The following ZMAT4 variants were observed in gnomAD, a reference collection of about 807,000 sequenced individuals.
ZMAT4 encodes zinc finger matrin-type protein 4.
In ZMAT4, 17 loss-of-function variants were observed where a neutral mutation model predicts 28.7. The observed-to-expected ratio is 0.59, with a 90% CI of 0.41 to 0.89. ZMAT4 has a LOEUF of 0.89. Among genes scored for constraint, ZMAT4 ranks in the 40% least tolerant of loss-of-function variants. The pLI is 0.00. For missense variants in ZMAT4, 240 were observed against 283.8 expected (o/e 0.85, Z 1.11); for synonymous variants, 117 against 109.2 (o/e 1.07, Z -0.44).
intron 3 of ZMAT4, among the ~76,000 whole-genome samples, chr8:40,709,354 A>T (rs1355396425): frequency 6.6e-6 from 1 of 152,216 alleles, no homozygotes; most frequent in Non-Finnish European, 1.5e-5. Flanking sequence ...GTATTGAAAG[A>T]GCCTCATGTA....
In ZMAT4 at chr8:40,720,645, A is replaced by T. The variant is rs150122479; in HGVS notation, c.193-23244T>A. ...TGGATTCAAGCAATTCTCCTGCCTC[A>T]GCCTCCCAAGTAGCTAAGATTACAG... On this transcript the variant is annotated intron_variant, in intron 3 of 6. Transcript: ENST00000297737. Among the ~76,000 whole-genome samples the T allele has an allele frequency of 4.2e-3, 631 of 149,470 alleles. 3 individuals carry two copies. The highest frequency in any genetic ancestry group is 6.0e-3 in the Non-Finnish European group (409 of 67,810).
intron 3 of ZMAT4, among the ~76,000 whole-genome samples, chr8:40,707,224 C>A (rs1810398112): frequency 7.5e-6 from 1 of 133,452 alleles, no homozygotes; most frequent in Non-Finnish European, 1.6e-5. Flanking sequence ...GCCCCCCCAC[C>A]CCCCCACCCC....
At chr8:40,891,540 C>T (rs1028620769) in intron 1 of ZMAT4, among the ~76,000 whole-genome samples, 9 of 152,100 alleles carry the variant, frequency 5.9e-5, no homozygotes, top group Non-Finnish European at 1.3e-4. Flanking sequence ...CCACCAGCCC[C>T]TGGCGTTCCC....
Position 40,532,201 on chromosome 8 carries a change from T to C in ZMAT4, c.*22A>G. ...CAGAGAAATGCTAATGTTTTGTTCT[T>C]ATGTCTTGATTGATGCTTTCACTAC... is the stretch of plus-strand genomic sequence containing the variant. On this transcript the variant is annotated 3_prime_UTR_variant, in exon 7 of 7. Coordinates refer to ENST00000297737, the MANE Select transcript of ZMAT4 (RefSeq NM_024645.3). 1 of 1,594,516 alleles carries C rather than the reference T, an allele frequency of 6.3e-7. No individual in the cohort carries two copies. Among genetic ancestry groups the C allele is most frequent in the Non-Finnish European group, 8.5e-7 (1 of 1,170,294 alleles).
intron 5 of ZMAT4, among the ~76,000 whole-genome samples, chr8:40,645,020 G>A (rs1015922296): frequency 6.6e-6 from 1 of 152,124 alleles, no homozygotes; most frequent in African/African-American, 2.4e-5. Flanking sequence ...CTAAAAATAG[G>A]TGATGAATAA....
At chr8:40,720,144 T>A (rs1269196788) in intron 3 of ZMAT4, among the ~76,000 whole-genome samples, 3 of 152,206 alleles carry the variant, frequency 2.0e-5, no homozygotes, top group Non-Finnish European at 4.4e-5. Context: ...GGCATGTTAT[T>A]TAGTCTCAGA....
chr8:40,678,054 G>T (rs891597336), intron 4 of ZMAT4, among the ~76,000 whole-genome samples: 2 of 152,114 alleles, frequency 1.3e-5, no homozygotes, highest in African/African-American at 4.8e-5. Context: ...TCCTCCCACA[G>T]CCTGATTCGT....
At chr8:40,649,737 A>T (rs1369062949) in intron 5 of ZMAT4, among the ~76,000 whole-genome samples, 2 of 152,136 alleles carry the variant, frequency 1.3e-5, no homozygotes, top group African/African-American at 4.8e-5. Flanking sequence ...CTCAGACCAC[A>T]GTGCAATCAA....
chr8:40,617,349 G>T (rs1806045801), intron 5 of ZMAT4, among the ~76,000 whole-genome samples: 1 of 152,156 alleles, frequency 6.6e-6, no homozygotes, highest in Non-Finnish European at 1.5e-5. Context: ...AGTGCCCCAA[G>T]GCTAGGGCCT....
chr8:40,674,795 T>C lies in ZMAT4; in HGVS notation c.486A>G (p.Gln162=). The C allele has an allele frequency of 6.2e-6, 10 of 1,614,024 alleles. No homozygotes were observed. Among genetic ancestry groups the C allele is most frequent in the Non-Finnish European group, 6.8e-6 (8 of 1,179,936 alleles). ...TTTTGTGTTTCTTGCCATCATAATG[T>C]TGCTGGGCCATCAGAGGGTTATTAA... ...AWFNNPLMAQ[Q]HYDGKKHKKN... The change falls in exon 5 of 7, where the codon CAA becomes CAG. Residue 162 remains glutamine, a synonymous_variant. Coordinates refer to ENST00000297737, the MANE Select transcript of ZMAT4 (RefSeq NM_024645.3).
intron 5 of ZMAT4, among the ~76,000 whole-genome samples, chr8:40,631,734 G>A (rs1377400720): frequency 6.6e-6 from 1 of 152,212 alleles, no homozygotes; most frequent in Non-Finnish European, 1.5e-5. Flanking sequence ...TTGAGAAAGA[G>A]AAATGGAGTT....
intron 2 of ZMAT4, among the ~76,000 whole-genome samples, chr8:40,789,971 A>G (rs993313400): frequency 1.3e-5 from 2 of 152,160 alleles, no homozygotes; most frequent in Non-Finnish European, 2.9e-5. Context: ...CAAACCAGTC[A>G]TGTACACTGC....
chr8:40,677,909 T>C (rs1041964015), intron 4 of ZMAT4, among the ~76,000 whole-genome samples: 5 of 152,192 alleles, frequency 3.3e-5, no homozygotes, highest in African/African-American at 1.2e-4. Context: ...CAAAAGTCAA[T>C]TAATCGAAAC....
At chr8:40,847,593 C>G (rs1816953992) in intron 1 of ZMAT4, among the ~76,000 whole-genome samples, 1 of 152,212 alleles carries the variant, frequency 6.6e-6, no homozygotes, top group Non-Finnish European at 1.5e-5. Flanking sequence ...TGCAGCATGT[C>G]AGGTATGCTC....
intron 5 of ZMAT4, among the ~76,000 whole-genome samples, chr8:40,611,384 G>C (rs1389068355): frequency 6.6e-6 from 1 of 150,852 alleles, no homozygotes; most frequent in Non-Finnish European, 1.5e-5. Flanking sequence ...ATGGAGTCTC[G>C]CTCTGTCACC....
At chr8:40,738,076 G>T (rs1227856789) in intron 3 of ZMAT4, among the ~76,000 whole-genome samples, 1 of 152,120 alleles carries the variant, frequency 6.6e-6, no homozygotes, top group East Asian at 1.9e-4. Flanking sequence ...CGGGGGATAT[G>T]GATGAGGTAA....
chr8:40,819,965 C>G (rs937283337), intron 2 of ZMAT4, among the ~76,000 whole-genome samples: 3 of 152,058 alleles, frequency 2.0e-5, no homozygotes, highest in Non-Finnish European at 4.4e-5. Flanking sequence ...TCCATAGGTT[C>G]TTGGAAACTG....
chr8:40,716,789 AG>A (rs1212601183), intron 3 of ZMAT4, among the ~76,000 whole-genome samples: 3 of 152,190 alleles, frequency 2.0e-5, no homozygotes, highest in Non-Finnish European at 4.4e-5. Flanking sequence ...TGCTCCACGG[AG>A]GTTTCTAAAA....
intron 1 of ZMAT4, among the ~76,000 whole-genome samples, chr8:40,828,880 C>A (rs1296625783): frequency 6.6e-6 from 1 of 152,116 alleles, no homozygotes; most frequent in African/African-American, 2.4e-5. Flanking sequence ...ACTTGCTCCC[C>A]TCCCCTGGTT....
Sources: gnomAD v4.1 joint callset for allele counts (sites outside exome capture counted in the v4.1 genomes callset) on GRCh38, gnomAD v4.1.1 for gene constraint, MANE v1.5 for transcripts, NCBI Gene and HGNC (gene_info 2026-07-23, HGNC 2026-07-21) for gene names.